The following RYR2 variants were observed in gnomAD, a reference collection of about 807,000 sequenced individuals.
RYR2 encodes the protein ryanodine receptor 2.
In RYR2, 227 loss-of-function variants were observed where a neutral mutation model predicts 601.1. The observed-to-expected ratio is 0.38, with a 90% confidence interval of 0.34 to 0.42. The LOEUF is 0.42. RYR2 is among the 10% of genes least tolerant of loss of function. RYR2 has a pLI of 1.00. For synonymous variants in RYR2, 2,223 were observed against 2,175.1 expected, an observed-to-expected ratio of 1.02 and a Z score of -0.61; for missense variants, 4,646 against 6,156.5, an observed-to-expected ratio of 0.75 and a Z score of 8.21.
At chr1:237,757,489 T>G (rs1693051964) in intron 81 of RYR2, among the ~76,000 whole-genome samples, 2 of 152,196 alleles carry the variant, frequency 1.3e-5, no homozygotes, top group South Asian at 4.1e-4. Flanking sequence ...TTCTTAGATA[T>G]TATAGAGAAT....
At chr1:237,183,346 C>T (rs1678998334) in intron 1 of RYR2, among the ~76,000 whole-genome samples, 1 of 152,032 alleles carries the variant, frequency 6.6e-6, no homozygotes, top group South Asian at 2.1e-4. Flanking sequence ...AGGACTAGAA[C>T]CAAGAAAGAG....
chr1:237,436,621 TA>T (rs768760612), intron 12 of RYR2, among the ~76,000 whole-genome samples: 2 of 149,976 alleles, frequency 1.3e-5, no homozygotes, highest in African/African-American at 4.9e-5. Flanking sequence ...AAGGAGCAAA[TA>T]AAAAAATTCT....
intron 45 of RYR2, 59 bp from the exon 46 acceptor site, chr1:237,638,956 T>C: frequency 6.4e-7 from 1 of 1,561,530 alleles, no homozygotes; most frequent in Admixed American, 1.8e-5. Flanking sequence ...ATAACATTTA[T>C]TTGTTCAGAA....
At chr1:237,332,101 T>C (rs930015673) in intron 3 of RYR2, among the ~76,000 whole-genome samples, 8 of 152,196 alleles carry the variant, frequency 5.3e-5, no homozygotes, top group Non-Finnish European at 1.0e-4. Context: ...TTGATCTATA[T>C]GTTGCTGTTG....
chr1:237,720,798 G>A (rs983537324), intron 73 of RYR2, among the ~76,000 whole-genome samples: 2 of 152,142 alleles, frequency 1.3e-5, no homozygotes, highest in African/African-American at 2.4e-5. Flanking sequence ...TCAAGAAATG[G>A]TCAAATAAAG....
In RYR2 at chr1:237,601,778, G is replaced by A. The variant is rs77159536; in HGVS notation, c.4597-247G>A. Among the ~76,000 whole-genome samples, 5,530 of 152,150 alleles carry A rather than the reference G, an allele frequency of 0.036. 186 individuals carry two copies. Among genetic ancestry groups the A allele is most frequent in the African/African-American group, 0.089 (3,693 of 41,510 alleles). ...AAATGGAAAAAGTTAGATTAATTAT[G>A]TATGTTTACTTCTGTTAAATAATGA... On this transcript the variant is annotated intron_variant, in intron 34 of 104. Coordinates refer to ENST00000366574, the MANE Select transcript of RYR2 (RefSeq NM_001035.3).
rs987633243 is a variant in RYR2 at position 237,717,474 on chromosome 1, A to G, written c.10494+106A>G. On this transcript the variant is annotated intron_variant, in intron 72 of 104. Transcript: ENST00000366574. ...TATGTCAATATTTCATTTGCATTAC[A>G]TGTTTTATTAAGCAGGTTTTCTAGA... 1.0e-5 allele frequency: 10 copies of G among 964,228 alleles called. 1 individual carries two copies. In the Middle Eastern group the frequency reaches 1.4e-3, roughly 131 times the overall value. 59.7% of individuals were successfully genotyped at this position (964,228 alleles called of 1,614,324 possible).
chr1:237,526,762 C>T (rs1667632809), intron 24 of RYR2, among the ~76,000 whole-genome samples: 1 of 152,140 alleles, frequency 6.6e-6, no homozygotes, highest in Non-Finnish European at 1.5e-5. Context: ...TACTTTCTCC[C>T]ATTCTGTAGG....
chr1:237,520,414 C>T lies in RYR2; in HGVS notation c.2822+8623C>T, dbSNP rs1310191740. ...TACAGGGAAAGTTTTCAACTTTCCC[C>T]ATTCAGCATAATGTTAGCTGTGAGA... On this transcript the variant is annotated intron_variant, in intron 24 of 104. Transcript: ENST00000366574. Among the ~76,000 whole-genome samples, 8 of 152,170 alleles carry T rather than the reference C, an allele frequency of 5.3e-5. 1 individual carries two copies. Among genetic ancestry groups the T allele is most frequent in the Admixed American group, 5.2e-4 (8 of 15,282 alleles).
intron 16 of RYR2, among the ~76,000 whole-genome samples, chr1:237,468,241 C>T (rs1266017346): frequency 1.3e-5 from 2 of 152,114 alleles, no homozygotes; most frequent in East Asian, 3.9e-4. Flanking sequence ...TTGCCATCCT[C>T]TTGTAAGCAA....
At chr1:237,154,541 G>A (rs2148827494) in intron 1 of RYR2, among the ~76,000 whole-genome samples, 1 of 152,292 alleles carries the variant, frequency 6.6e-6, no homozygotes, top group Non-Finnish European at 1.5e-5. Flanking sequence ...TCAGGCAGGT[G>A]CAGTGGTGTG....
intron 1 of RYR2, among the ~76,000 whole-genome samples, chr1:237,139,650 G>C (rs1378572255): frequency 6.6e-6 from 1 of 152,150 alleles, no homozygotes. Context: ...GGTACTTGGT[G>C]TCTATCTCAT....
chr1:237,072,970 A>C (rs1664567817), intron 1 of RYR2, among the ~76,000 whole-genome samples: 1 of 150,338 alleles, frequency 6.7e-6, no homozygotes, highest in Non-Finnish European at 1.5e-5. Context: ...AAAAACAAAA[A>C]CTCATCTGTT....
chr1:237,432,416 C>T (rs1706919022), intron 12 of RYR2, among the ~76,000 whole-genome samples: 1 of 152,054 alleles, frequency 6.6e-6, no homozygotes, highest in African/African-American at 2.4e-5. Context: ...TAAGACTGGG[C>T]ATAAATATAT....
At chr1:237,441,785 A>C (rs1707925959) in intron 13 of RYR2, among the ~76,000 whole-genome samples, 1 of 152,098 alleles carries the variant, frequency 6.6e-6, no homozygotes, top group Non-Finnish European at 1.5e-5. Context: ...GCTGTGACAA[A>C]GTCCGTTACT....
chr1:237,287,319 G>C (rs1290945351), intron 2 of RYR2, among the ~76,000 whole-genome samples: 1 of 152,122 alleles, frequency 6.6e-6, no homozygotes, highest in African/African-American at 2.4e-5. Context: ...GAATTTCCCA[G>C]GTGATCTTTA....
chr1:237,330,858 C>T lies in RYR2; in HGVS notation c.169-20C>T, dbSNP rs762658477. ...TTGATGAAGATGATGCTGCTGACTG[C>T]TCTTCCTCTTTCTGTGCAGAATGTG... is the stretch of plus-strand genomic sequence containing the variant. On this transcript the variant is annotated intron_variant, in intron 2 of 104. Transcript: ENST00000366574. 1.3e-6 allele frequency: 2 copies of T among 1,592,994 alleles called. No homozygotes were observed. The highest frequency in any genetic ancestry group is 1.7e-6 in the Non-Finnish European group (2 of 1,160,872).
chr1:237,614,281 G>A lies in RYR2; in HGVS notation c.5153G>A (p.Arg1718Lys). 1 of 1,614,012 alleles carries A rather than the reference G, an allele frequency of 6.2e-7. No homozygotes were observed. The highest frequency in any genetic ancestry group is 8.5e-7 in the Non-Finnish European group (1 of 1,179,904). ...DIHLSSYATA[R>K]LMMNNEYIVP... ...CACCTGAGCTCCTATGCCACTGCCA[G>A]GCTCATGATGAACAACGAGTACATT... The change falls in exon 37 of 105, where the codon AGG becomes AAG. Residue 1718 changes from arginine to lysine, a missense_variant. Transcript: ENST00000366574. The surrounding 1 kb of genome is among the most constrained non-coding windows in gnomAD (Gnocchi z 4.3).
At position 237,757,593 on chromosome 1, in the gene RYR2, T is replaced by TG. The variant is rs1238425924; in HGVS notation, c.11246-97dup. On this transcript the variant is annotated intron_variant, in intron 81 of 104. Transcript: ENST00000366574. ...TCCCTATGCCATTAAACAGATTGCC[T>TG]GGGGGGGCATAATAATAATTTTAAA... 5.8e-5 allele frequency: 43 copies of TG among 742,798 alleles called. No homozygotes were observed. In the Middle Eastern group the frequency reaches 8.3e-4, roughly 14 times the overall value. The allele number at this position is 742,798 out of a possible 1,614,324, so 46.0% of individuals were successfully genotyped here. A position where few individuals can be genotyped will look rare whatever the true frequency, so the allele number is the denominator to read the frequency against.
Sources: gnomAD v4.1 joint callset for allele counts (sites outside exome capture counted in the v4.1 genomes callset) on GRCh38, gnomAD v4.1.1 for gene constraint, Gnocchi (gnomAD v3.1) non-coding constraint, MANE v1.5 for transcripts, NCBI Gene and HGNC (gene_info 2026-07-23, HGNC 2026-07-21) for gene names.